The following LINGO2 variants were observed in gnomAD, a reference collection of about 807,000 sequenced individuals.
LINGO2 encodes the protein leucine-rich repeat and immunoglobulin-like domain-containing nogo receptor-interacting protein 2.
Under a neutral mutation model 30.6 loss-of-function variants are expected in LINGO2, and 14 were observed. That is an observed-to-expected ratio of 0.46 (90% CI 0.30 to 0.72). The LOEUF (loss-of-function observed/expected upper bound fraction) is 0.72, where lower values mean the gene tolerates loss of function less well. Ranked by LOEUF, LINGO2 falls within the 30% of genes least tolerant of loss-of-function variation. The pLI is 0.07. For missense variants in LINGO2, 729 were observed against 751.7 expected, an observed-to-expected ratio of 0.97 and a Z score of 0.35; for synonymous variants, 317 against 288.5, an observed-to-expected ratio of 1.10 and a Z score of -1.00.
At chr9:28,153,964 C>T (rs986212061) in intron 4 of LINGO2, among the ~76,000 whole-genome samples, 4 of 152,148 alleles carry the variant, frequency 2.6e-5, no homozygotes, top group African/African-American at 9.7e-5. Context: ...TTTACATACA[C>T]ATTTGTTAAA....
chr9:28,042,081 A>T (rs1824222201), intron 4 of LINGO2, among the ~76,000 whole-genome samples: 1 of 152,160 alleles, frequency 6.6e-6, no homozygotes, highest in Admixed American at 6.5e-5. Context: ...CTACATACAT[A>T]CTTCTAAGGA....
At chr9:28,918,013 AAGGTATATTC>A in the LINGO2 span, among the ~76,000 whole-genome samples, 2 of 152,102 alleles carry the variant, frequency 1.3e-5, no homozygotes, top group Non-Finnish European at 2.9e-5. Flanking sequence ...ACAGATCCCT[AAGGTATATTC>A]AGCTAGAAAA....
rs571980974 is a variant in LINGO2, at chr9:28,184,953, C to T, written c.-87+110255G>A. Among the ~76,000 whole-genome samples the T allele has an allele frequency of 9.2e-5, 14 of 151,898 alleles. No individual in the cohort carries two copies. In the South Asian group the frequency reaches 2.9e-3, roughly 32 times the overall value. On this transcript the variant is annotated intron_variant, in intron 4 of 5. Coordinates refer to ENST00000379992, the Ensembl canonical transcript of LINGO2. Reference sequence around the variant, plus strand: ...AAGGGGAAATTAAAACAAAACACAACAAAACAAAACAAAAAAAAATCTTCT... The same window carrying T: ...AAGGGGAAATTAAAACAAAACACAATAAAACAAAACAAAAAAAAATCTTCT...
chr9:29,207,145 T>C, the LINGO2 span, among the ~76,000 whole-genome samples: 9 of 151,608 alleles, frequency 5.9e-5, no homozygotes, highest in Non-Finnish European at 1.2e-4. Context: ...TATATATATA[T>C]AAAGTATATA....
the LINGO2 span, among the ~76,000 whole-genome samples, chr9:28,890,019 G>T: frequency 1.3e-5 from 2 of 152,028 alleles, no homozygotes; most frequent in Non-Finnish European, 2.9e-5. Context: ...TGTCCATAAA[G>T]GTTCCCAGCT....
At chr9:29,063,798 T>C in the LINGO2 span, among the ~76,000 whole-genome samples, 1 of 152,174 alleles carries the variant, frequency 6.6e-6, no homozygotes, top group Non-Finnish European at 1.5e-5. Flanking sequence ...TACATACTTT[T>C]ACAATTTTAA....
chr9:28,031,877 T>C (rs1485899533), intron 4 of LINGO2, among the ~76,000 whole-genome samples: 10 of 152,218 alleles, frequency 6.6e-5, no homozygotes, highest in Non-Finnish European at 8.8e-5. Context: ...CGCTTCACCA[T>C]GATGCTCCAA....
chr9:29,136,936 G>A, the LINGO2 span, among the ~76,000 whole-genome samples: 1 of 152,054 alleles, frequency 6.6e-6, no homozygotes, highest in Admixed American at 6.6e-5. Context: ...ATAAATGAAT[G>A]ATATAGTTAT....
intron 3 of LINGO2, among the ~76,000 whole-genome samples, chr9:28,363,113 C>A (rs1221884068): frequency 1.3e-5 from 2 of 152,120 alleles, no homozygotes; most frequent in East Asian, 3.9e-4. Context: ...CCTCAGGATG[C>A]ATCCTCCATT....
At chr9:28,488,491 A>G (rs1826260738) in intron 1 of LINGO2, among the ~76,000 whole-genome samples, 1 of 152,184 alleles carries the variant, frequency 6.6e-6, no homozygotes, top group Admixed American at 6.5e-5. Flanking sequence ...TTAAAACACC[A>G]GCTCTAGAAT....
chr9:29,123,593 T>A, the LINGO2 span, among the ~76,000 whole-genome samples: 4 of 152,154 alleles, frequency 2.6e-5, no homozygotes, highest in African/African-American at 9.6e-5. Context: ...ACAAATCTAT[T>A]ATCAAAAGTC....
At chr9:28,508,987 T>C (rs1820262739) in intron 1 of LINGO2, among the ~76,000 whole-genome samples, 1 of 152,126 alleles carries the variant, frequency 6.6e-6, no homozygotes, top group African/African-American at 2.4e-5. Context: ...TACCACATGC[T>C]ACATACTAAT....
intron 3 of LINGO2, among the ~76,000 whole-genome samples, chr9:28,321,982 T>G (rs1825061128): frequency 6.6e-6 from 1 of 152,228 alleles, no homozygotes; most frequent in African/African-American, 2.4e-5. Flanking sequence ...AGATCCATTT[T>G]GTAAATACAA....
At chr9:29,038,213 G>T in the LINGO2 span, among the ~76,000 whole-genome samples, 69 of 152,154 alleles carry the variant, frequency 4.5e-4, no homozygotes, top group Admixed American at 1.0e-3. Flanking sequence ...CAAAGTGGTT[G>T]TATCGGTTAT....
intron 3 of LINGO2, among the ~76,000 whole-genome samples, chr9:28,322,869 T>C (rs1825098337): frequency 1.3e-5 from 2 of 152,348 alleles, no homozygotes; most frequent in Non-Finnish European, 2.9e-5. Flanking sequence ...GCCTGACCAA[T>C]ACATTTTAAA....
At chr9:28,632,697 G>GATCTATATATAT (rs1827016931) in intron 1 of LINGO2, among the ~76,000 whole-genome samples, 1 of 127,260 alleles carries the variant, frequency 7.9e-6, no homozygotes. Context: ...TATTTATATA[G>GATCTATATATAT]ATCTATATAT....
the LINGO2 span, among the ~76,000 whole-genome samples, chr9:29,166,014 C>T: frequency 6.6e-6 from 1 of 151,984 alleles, no homozygotes; most frequent in Non-Finnish European, 1.5e-5. Flanking sequence ...ATATGTATAT[C>T]AAGTAATACG....
chr9:29,119,546 C>T, the LINGO2 span, among the ~76,000 whole-genome samples: 1 of 149,856 alleles, frequency 6.7e-6, no homozygotes. Context: ...AATAAGTTCC[C>T]TAATTGAATC....
At chr9:28,446,826 TCC>T (rs1317901798) in intron 2 of LINGO2, among the ~76,000 whole-genome samples, 2 of 152,170 alleles carry the variant, frequency 1.3e-5, no homozygotes, top group African/African-American at 4.8e-5. Flanking sequence ...GCCTTCCCAT[TCC>T]CTTTGGGCTA....
Sources: allele counts gnomAD v4.1 joint callset (sites outside exome capture counted in the v4.1 genomes callset), GRCh38; gene constraint gnomAD v4.1.1; transcripts MANE v1.5; gene names NCBI Gene and HGNC (gene_info 2026-07-23, HGNC 2026-07-21).